Variants in CEP126 observed in about 807,000 individuals in gnomAD.
CEP126 encodes the protein centrosomal protein of 126 kDa.
Under a neutral mutation model 107.8 loss-of-function variants are expected in CEP126, and 74 were observed. The observed-to-expected ratio is 0.69, with a 90% CI of 0.57 to 0.83. The LOEUF (loss-of-function observed/expected upper bound fraction) is 0.83. Among genes scored for constraint, CEP126 ranks in the 40% least tolerant of loss-of-function variants. CEP126 has a pLI of 0.00. For synonymous variants in CEP126, 449 were observed against 446.0 expected, an observed-to-expected ratio of 1.01 and a Z score of -0.08; for missense variants, 1,237 against 1,281.9, an observed-to-expected ratio of 0.96 and a Z score of 0.53.
At chr11:101,929,974 CT>C (rs60650996) in intron 2 of CEP126, among the ~76,000 whole-genome samples, 234 of 118,666 alleles carry the variant, frequency 2.0e-3, no homozygotes, top group Middle Eastern at 0.014. Flanking sequence ...TTAGTTAGGA[CT>C]TTTTTTTTTT....
intron 2 of CEP126, among the ~76,000 whole-genome samples, chr11:101,926,280 A>T (rs1940409573): frequency 1.3e-5 from 2 of 152,062 alleles, no homozygotes; most frequent in South Asian, 2.1e-4. Flanking sequence ...ACCAAGAGTT[A>T]GCCAGGGAAG....
intron 6 of CEP126, 92 bp downstream of exon 6, chr11:101,963,972 C>T (rs1222912419): frequency 1.3e-6 from 1 of 769,250 alleles, no homozygotes. Context: ...GCCATACATA[C>T]TACATAAATA....
intron 4 of CEP126, among the ~76,000 whole-genome samples, chr11:101,952,294 C>T (rs1300472187): frequency 4.6e-5 from 7 of 152,006 alleles, no homozygotes; most frequent in Non-Finnish European, 8.8e-5. Flanking sequence ...TGAAGAGCCT[C>T]GGTAAGGAGT....
intron 6 of CEP126, among the ~76,000 whole-genome samples, chr11:101,978,088 C>A (rs1361681672): frequency 6.6e-6 from 1 of 152,184 alleles, no homozygotes; most frequent in African/African-American, 2.4e-5. Context: ...CTTACACAAT[C>A]TTCTGGTGTT....
intron 6 of CEP126, among the ~76,000 whole-genome samples, chr11:101,966,127 A>G (rs1189528178): frequency 6.6e-6 from 1 of 152,196 alleles, no homozygotes; most frequent in Non-Finnish European, 1.5e-5. Flanking sequence ...ACATTGGAAA[A>G]TGTAATGAAT....
At chr11:101,958,099 T>C (rs1940923219) in intron 4 of CEP126, 69 bp from the exon 5 acceptor site, 1 of 1,299,254 alleles carries the variant, frequency 7.7e-7, no homozygotes, top group Non-Finnish European at 1.1e-6. Context: ...TAATGTGTCA[T>C]GTATATACAT....
intron 4 of CEP126, among the ~76,000 whole-genome samples, chr11:101,950,202 G>A (rs1314402645): frequency 6.6e-6 from 1 of 152,142 alleles, no homozygotes; most frequent in Non-Finnish European, 1.5e-5. Flanking sequence ...GTGGAGTGGT[G>A]GGGGCAGAAA....
At chr11:101,950,604 A>G (rs141179318) in intron 4 of CEP126, among the ~76,000 whole-genome samples, 1 of 152,356 alleles carries the variant, frequency 6.6e-6, no homozygotes, top group East Asian at 1.9e-4. Context: ...AAAGTAATAA[A>G]GAAGTACAGC....
At chr11:101,955,933 T>C in intron 4 of CEP126, 1 of 456,430 alleles carries the variant, frequency 2.2e-6, no homozygotes, top group Non-Finnish European at 4.4e-6. Context: ...GCCAGCCCCA[T>C]ATACTGCCTA....
intron 4 of CEP126, chr11:101,956,961 A>G (rs1254496311): frequency 6.0e-6 from 2 of 331,458 alleles, no homozygotes; most frequent in Non-Finnish European, 1.2e-5. Flanking sequence ...AATTGAGTTT[A>G]TTAGATATTT....
chr11:101,972,123 A>G (rs1174492540), intron 6 of CEP126, among the ~76,000 whole-genome samples: 2 of 151,374 alleles, frequency 1.3e-5, no homozygotes, highest in Non-Finnish European at 2.9e-5. Context: ...AAAATGAAAT[A>G]AAATAAGAAA....
rs536696590 is a variant in CEP126 at position 101,921,943 on chromosome 11, G to A, written c.129-698G>A. ...TGAGATTACAGGTACCCGCCACCAC[G>A]CCCGCCTAATTTTTGTGTTTTCAGT... On this transcript the variant is annotated intron_variant, in intron 1 of 10. Coordinates refer to ENST00000263468, the MANE Select transcript of CEP126 (RefSeq NM_020802.4). Among the ~76,000 whole-genome samples, 967 of 150,176 alleles carry A rather than the reference G, an allele frequency of 6.4e-3. 6 individuals are homozygous for A. The highest frequency in any genetic ancestry group is 9.9e-3 in the Non-Finnish European group (667 of 67,546).
intron 2 of CEP126, among the ~76,000 whole-genome samples, chr11:101,932,497 A>T (rs776248400): frequency 6.6e-6 from 1 of 152,214 alleles, no homozygotes; most frequent in Non-Finnish European, 1.5e-5. Flanking sequence ...TTGGATAATT[A>T]CAAGAAAAAT....
At chr11:101,993,536 T>C (rs1333594650) in intron 10 of CEP126, among the ~76,000 whole-genome samples, 2 of 152,246 alleles carry the variant, frequency 1.3e-5, no homozygotes, top group Non-Finnish European at 2.9e-5. Flanking sequence ...GTCTTTATGA[T>C]AGAATGATTT....
chr11:101,942,559 G>C (rs1940679781), intron 2 of CEP126, among the ~76,000 whole-genome samples: 1 of 123,220 alleles, frequency 8.1e-6, no homozygotes, highest in Non-Finnish European at 1.8e-5. Context: ...TTCCGTTTGG[G>C]GTGGTTTTTT....
rs774374698 is a variant in CEP126 at position 101,961,964 on chromosome 11, A to G, written c.929A>G (p.Asn310Ser). 1.2e-6 allele frequency: 2 copies of G among 1,610,374 alleles called. No homozygotes were observed. The highest frequency in any genetic ancestry group is 3.4e-5 in the Admixed American group (2 of 59,406). ...GCATTCTCTAAAACTCAACATATAAATAATTGGCTTACAAATTTAGATGCT... is the reference window on the plus strand; with the variant it reads ...GCATTCTCTAAAACTCAACATATAAGTAATTGGCTTACAAATTTAGATGCT... ...KLAFSKTQHI[N>S]NWLTNLDASN... Residue 310 changes from asparagine (N) to serine (S), a missense_variant, in exon 6 of 11, where the codon AAT becomes AGT. Physicochemically the swap from Asn to Ser is conservative, Grantham distance 46 (BLOSUM62 1). Transcript: ENST00000263468.
chr11:101,917,065 T>C (rs1159893841), intron 1 of CEP126, among the ~76,000 whole-genome samples: 2 of 150,970 alleles, frequency 1.3e-5, no homozygotes, highest in East Asian at 1.9e-4. Flanking sequence ...TGTGTGTGTG[T>C]GTGTGTGTGT....
At chr11:101,919,636 T>C (rs901874772) in intron 1 of CEP126, among the ~76,000 whole-genome samples, 1 of 152,174 alleles carries the variant, frequency 6.6e-6, no homozygotes, top group African/African-American at 2.4e-5. Flanking sequence ...TATTAATAAT[T>C]AATAATTCAG....
At chr11:101,934,760 A>G (rs1940551455) in intron 2 of CEP126, among the ~76,000 whole-genome samples, 1 of 152,108 alleles carries the variant, frequency 6.6e-6, no homozygotes, top group African/African-American at 2.4e-5. Context: ...TTATTTAGCC[A>G]TTCTTATATT....
Sources: allele counts gnomAD v4.1 joint callset (sites outside exome capture counted in the v4.1 genomes callset), GRCh38; gene constraint gnomAD v4.1.1; transcripts MANE v1.5; gene names NCBI Gene and HGNC (gene_info 2026-07-23, HGNC 2026-07-21).